Variants in ELFN2 observed in about 807,000 individuals in gnomAD.
The protein encoded by ELFN2 is extracellular leucine rich repeat and fibronectin type III domain containing 2, also known as protein phosphatase 1 regulatory subunit 29.
In ELFN2, 17 loss-of-function variants were observed where a neutral mutation model predicts 45.5. That is an observed-to-expected ratio of 0.37 (90% CI 0.26 to 0.56). ELFN2 has a LOEUF of 0.56. Ranked by LOEUF, ELFN2 falls within the 20% of genes least tolerant of loss-of-function variation. ELFN2 has a pLI of 0.77. For synonymous variants in ELFN2, 550 were observed against 551.5 expected, an observed-to-expected ratio of 1.00 and a Z score of 0.04; for missense variants, 922 against 1,183.2, an observed-to-expected ratio of 0.78 and a Z score of 3.24.
At chr22:37,425,319 G>A (rs1932839686) in intron 1 of ELFN2, among the ~76,000 whole-genome samples, 2 of 152,196 alleles carry the variant, frequency 1.3e-5, no homozygotes, top group African/African-American at 2.4e-5. Flanking sequence ...TCCTTCGGGG[G>A]TTCCAGTCCT....
chr22:37,386,627 C>T (rs1015300682), intron 2 of ELFN2, among the ~76,000 whole-genome samples: 10 of 152,180 alleles, frequency 6.6e-5, no homozygotes, highest in Non-Finnish European at 1.2e-4. Context: ...CTACGGGGGG[C>T]CTGCAGCTGC....
At chr22:37,358,961 G>A (rs1931014926) in intron 1 of ELFN2, among the ~76,000 whole-genome samples, 1 of 152,174 alleles carries the variant, frequency 6.6e-6, no homozygotes, top group Admixed American at 6.5e-5. Context: ...ACTTACATAG[G>A]AAGCAGGAGG....
chr22:37,381,951 G>A (rs1415303163), intron 2 of ELFN2, among the ~76,000 whole-genome samples: 9 of 74,100 alleles, frequency 1.2e-4, no homozygotes, highest in South Asian at 6.7e-4. Flanking sequence ...GTGAGACTCC[G>A]TCTCAAAAAA....
chr22:37,424,002 AAC>A (rs1932829828), intron 1 of ELFN2, among the ~76,000 whole-genome samples: 2 of 152,162 alleles, frequency 1.3e-5, no homozygotes, highest in Non-Finnish European at 2.9e-5. Context: ...CTAGACGATT[AAC>A]ACAGCTCCTG....
At chr22:37,366,208 T>C (rs149391382), downstream of ELFN2, among the ~76,000 whole-genome samples, 10 of 152,312 alleles carry the variant, frequency 6.6e-5, no homozygotes, top group Non-Finnish European at 1.2e-4. Flanking sequence ...AAAACATGCA[T>C]GTTAAATGTG....
intron 2 of ELFN2, among the ~76,000 whole-genome samples, chr22:37,405,670 G>A (rs778282066): frequency 5.3e-5 from 8 of 152,178 alleles, no homozygotes; most frequent in Admixed American, 2.6e-4. Context: ...CCACGTGATC[G>A]CAGGATCCCC....
chr22:37,363,343 G>C (rs1451042590), downstream of ELFN2, among the ~76,000 whole-genome samples: 3 of 152,108 alleles, frequency 2.0e-5, no homozygotes, highest in African/African-American at 7.2e-5. Flanking sequence ...AAGAGAGAGG[G>C]GCAGATGAGT....
chr22:37,387,087 T>G (rs1022206121), intron 2 of ELFN2, among the ~76,000 whole-genome samples: 1 of 152,172 alleles, frequency 6.6e-6, no homozygotes, highest in Non-Finnish European at 1.5e-5. Flanking sequence ...CAGGAGGACC[T>G]CATTACCCAC....
chr22:37,412,653 C>A (rs1315612277), intron 2 of ELFN2, among the ~76,000 whole-genome samples: 1 of 152,230 alleles, frequency 6.6e-6, no homozygotes, highest in African/African-American at 2.4e-5. Context: ...GCACCACAGA[C>A]CCCCCTTTCT....
chr22:37,417,171 C>T lies in ELFN2; in HGVS notation c.-463+598G>A, dbSNP rs541625283. ...GGGCAGCCACCAGCCCCAGCCAGGA[C>T]GGAGCAGCTCCTTCTGCCTGCCTGT... is the stretch of plus-strand genomic sequence containing the variant. On this transcript the variant is annotated intron_variant, in intron 2 of 2. Coordinates refer to ENST00000402918, the MANE Select transcript of ELFN2 (RefSeq NM_052906.5). This position sits in a 1 kb window ranked among gnomAD's most constrained non-coding sequence, Gnocchi z 4.5. Among the ~76,000 whole-genome samples the T allele has an allele frequency of 5.2e-4, 79 of 152,218 alleles. No homozygotes were observed. The highest frequency in any genetic ancestry group is 1.7e-3 in the African/African-American group (72 of 41,564).
intron 1 of ELFN2, among the ~76,000 whole-genome samples, chr22:37,356,878 T>A (rs1336923236): frequency 6.6e-6 from 1 of 152,270 alleles, no homozygotes; most frequent in East Asian, 1.9e-4. Flanking sequence ...ATCTCATGAG[T>A]GAAAAGTGAT....
chr22:37,389,051 T>C (rs1339135251), intron 2 of ELFN2, among the ~76,000 whole-genome samples: 3 of 152,152 alleles, frequency 2.0e-5, no homozygotes, highest in Admixed American at 2.0e-4. Flanking sequence ...AAGAGCTTCC[T>C]CTCAGAGCTT....
intron 2 of ELFN2, among the ~76,000 whole-genome samples, chr22:37,414,904 C>T (rs1304869154): frequency 6.6e-6 from 1 of 152,186 alleles, no homozygotes; most frequent in Non-Finnish European, 1.5e-5. Context: ...CCCAGGTCAC[C>T]CTGAAATGTT....
intron 2 of ELFN2, among the ~76,000 whole-genome samples, chr22:37,381,401 T>TCAA (rs1931761867): frequency 2.0e-5 from 3 of 152,082 alleles, no homozygotes; most frequent in Non-Finnish European, 2.9e-5. Context: ...GAAGTACTGA[T>TCAA]TCCAGGCCAG....
In ELFN2 at chr22:37,375,905, G is replaced by T; in HGVS notation, c.-371C>A. On this transcript the variant is annotated 5_prime_UTR_variant, in exon 3 of 3. It adds an upstream start codon to the 5' untranslated region. Coordinates refer to ENST00000402918, the MANE Select transcript of ELFN2 (RefSeq NM_052906.5). Reference sequence around the variant, plus strand: ...CTTGGCTTCCGGGCTCAGAACTTCAGATGATTCCCACAGGAGGCTGGAGAG... The same window carrying T: ...CTTGGCTTCCGGGCTCAGAACTTCATATGATTCCCACAGGAGGCTGGAGAG... The T allele has an allele frequency of 3.0e-6, 1 of 337,190 alleles. No individual in the cohort carries two copies. The highest frequency in any genetic ancestry group is 5.8e-6 in the Non-Finnish European group (1 of 173,774). The allele number at this position is 337,190 out of a possible 1,614,324, so 20.9% of individuals were successfully genotyped here.
At chr22:37,391,355 A>G (rs1439727835) in intron 2 of ELFN2, among the ~76,000 whole-genome samples, 2 of 152,176 alleles carry the variant, frequency 1.3e-5, no homozygotes, top group African/African-American at 4.8e-5. Flanking sequence ...CCGTCCCAGT[A>G]GGCTCTCTGT....
At chr22:37,395,327 C>T (rs1932188012) in intron 2 of ELFN2, among the ~76,000 whole-genome samples, 1 of 152,024 alleles carries the variant, frequency 6.6e-6, no homozygotes, top group Non-Finnish European at 1.5e-5. Flanking sequence ...CGAGTGCCGA[C>T]CACACGCCAG....
At chr22:37,349,768 G>A (rs1423835590) in intron 1 of ELFN2, among the ~76,000 whole-genome samples, 1 of 151,190 alleles carries the variant, frequency 6.6e-6, no homozygotes, top group African/African-American at 2.4e-5. Flanking sequence ...CTGCTTTCAA[G>A]ATGGGGTTGT....
At chr22:37,400,902 T>G (rs901183123) in intron 2 of ELFN2, among the ~76,000 whole-genome samples, 9 of 152,262 alleles carry the variant, frequency 5.9e-5, no homozygotes, top group Admixed American at 5.2e-4. Flanking sequence ...AATCCCTAAG[T>G]GGCGAAAACG....
Sources: allele counts gnomAD v4.1 joint callset (sites outside exome capture counted in the v4.1 genomes callset), GRCh38; gene constraint gnomAD v4.1.1; non-coding constraint Gnocchi (gnomAD v3.1); transcripts MANE v1.5; gene names NCBI Gene and HGNC (gene_info 2026-07-23, HGNC 2026-07-21).